The following MCM10 variants were observed in gnomAD, a reference collection of about 807,000 sequenced individuals.
MCM10 encodes the protein protein MCM10 homolog.
MCM10 carries 91 observed loss-of-function variants against 109.9 expected under a neutral mutation model. The observed-to-expected ratio is 0.83, with a 90% CI of 0.70 to 0.99. The LOEUF (loss-of-function observed/expected upper bound fraction) is 0.99. MCM10 is among the 50% of genes least tolerant of loss of function. MCM10 has a pLI of 0.00. For synonymous variants in MCM10, 380 were observed against 387.2 expected, an observed-to-expected ratio of 0.98 and a Z score of 0.22; for missense variants, 1,077 against 1,061.2, an observed-to-expected ratio of 1.01 and a Z score of -0.21.
chr10:13,202,166 C>T, intron 17 of MCM10, among the ~76,000 whole-genome samples: 1 of 152,022 alleles, frequency 6.6e-6, no homozygotes. Context: ...TGAGACCAAC[C>T]CGGGCAACAT....
At chr10:13,179,188 C>G (rs1056809851) in intron 6 of MCM10, among the ~76,000 whole-genome samples, 3 of 152,078 alleles carry the variant, frequency 2.0e-5, no homozygotes, top group African/African-American at 7.2e-5. Context: ...TTTGGATGCC[C>G]TTTATTTCTT....
chr10:13,201,872 A>C, intron 17 of MCM10: 1 of 244,904 alleles, frequency 4.1e-6, no homozygotes, highest in Non-Finnish European at 8.0e-6. Context: ...CAGCGTTCTC[A>C]GGCCTTGGGA....
At position 13,180,584 on chromosome 10, in the gene MCM10, G is replaced by T. The variant is rs564839772; in HGVS notation, c.907G>T (p.Val303Phe). 6.2e-7 allele frequency: 1 copy of T among 1,614,132 alleles called. No individual in the cohort carries two copies. Among genetic ancestry groups the T allele is most frequent in the African/African-American group, 1.3e-5 (1 of 75,036 alleles). The change falls in exon 7 of 20, where the codon GTT (valine) becomes TTT (phenylalanine). Residue 303 changes from valine to phenylalanine, a missense_variant. Val to Phe is a conservative substitution (Grantham distance 50). Transcript: ENST00000378714. ...WVTFGVILKK[V>F]TPQSVNSGKT... Reference sequence around the variant, plus strand: ...GACATTTGGGGTTATATTGAAGAAGGTTACGCCACAGAGTGTGAATAGTGT... The same window carrying T: ...GACATTTGGGGTTATATTGAAGAAGTTTACGCCACAGAGTGTGAATAGTGT...
chr10:13,191,439 T>A, intron 11 of MCM10, 40 bp downstream of exon 11: 1 of 1,518,740 alleles, frequency 6.6e-7, no homozygotes, highest in Non-Finnish European at 9.1e-7. Flanking sequence ...TTCTCCAGTT[T>A]AATTATGCAG....
chr10:13,172,374 A>G lies in MCM10; in HGVS notation c.350-2A>G. 5 of 1,601,648 alleles carry G rather than the reference A, an allele frequency of 3.1e-6. No individual in the cohort carries two copies. The highest frequency in any genetic ancestry group is 4.3e-6 in the Non-Finnish European group (5 of 1,170,742). ...TTAAATTAACATATTTTCATTTCCT[A>G]GAGGAATTAAGGAATTTGCAAGAGC... On this transcript the variant is annotated splice_acceptor_variant, in intron 3 of 19. Coordinates refer to ENST00000378714, the MANE Select transcript of MCM10 (RefSeq NM_018518.5). LOFTEE classifies it high-confidence loss of function. The surrounding 1 kb of genome is among the most constrained non-coding windows in gnomAD (Gnocchi z 5.2).
chr10:13,178,327 G>A (rs1277196737), intron 6 of MCM10, among the ~76,000 whole-genome samples: 1 of 152,216 alleles, frequency 6.6e-6, no homozygotes, highest in Admixed American at 6.5e-5. Context: ...GACCTCAGGT[G>A]ATCCACCTGC....
intron 18 of MCM10, among the ~76,000 whole-genome samples, chr10:13,205,056 A>AT (rs1259450089): frequency 7.3e-6 from 1 of 136,696 alleles, no homozygotes; most frequent in East Asian, 2.1e-4. Context: ...ATATATATTA[A>AT]TTTGTATAAA....
chr10:13,198,630 G>A, intron 15 of MCM10, 59 bp from the exon 16 acceptor site: 1 of 1,093,680 alleles, frequency 9.1e-7, no homozygotes, highest in South Asian at 1.2e-5. Context: ...GAGTTGATGA[G>A]GCGCACTGGC....
At chr10:13,162,523 C>G (rs1176286905) in intron 1 of MCM10, among the ~76,000 whole-genome samples, 1 of 152,104 alleles carries the variant, frequency 6.6e-6, no homozygotes, top group Non-Finnish European at 1.5e-5. Flanking sequence ...GTGGCTTGGC[C>G]TAGGGTTCTG....
chr10:13,170,129 T>C (rs1239069210), intron 2 of MCM10, among the ~76,000 whole-genome samples: 1 of 152,234 alleles, frequency 6.6e-6, no homozygotes, highest in Non-Finnish European at 1.5e-5. Flanking sequence ...AGATTGACTA[T>C]GACTGCCTAT....
chr10:13,197,737 G>T lies in MCM10; in HGVS notation c.2089G>T (p.Val697Leu), dbSNP rs1426138019. Residue 697 changes from valine to leucine, a missense_variant, in exon 15 of 20, where the codon GTA (valine) becomes TTA (leucine). By Grantham distance (32) the Val-to-Leu change is conservative. Coordinates refer to ENST00000378714, the MANE Select transcript of MCM10 (RefSeq NM_018518.5). ...GGACATCCTGGAGGTGAAGGAACGT[G>T]TAGAAAAAAACACCATGTTTTCTTC... is the stretch of plus-strand genomic sequence containing the variant. ...PQDILEVKER[V>L]EKNTMFSSQA... 1 of 1,612,508 alleles carries T rather than the reference G, an allele frequency of 6.2e-7. No homozygotes were observed. Among genetic ancestry groups the T allele is most frequent in the Non-Finnish European group, 8.5e-7 (1 of 1,179,648 alleles).
chr10:13,203,489 TCA>T (rs1459116291), intron 17 of MCM10, among the ~76,000 whole-genome samples: 1 of 152,094 alleles, frequency 6.6e-6, no homozygotes, highest in Non-Finnish European at 1.5e-5. Flanking sequence ...CATCACACAC[TCA>T]CAGTTTCGGG....
Position 13,186,252 on chromosome 10 carries a change from G to T in MCM10, c.1187G>T (p.Gly396Val). The change falls in exon 9 of 20, where the codon GGA (glycine) becomes GTA (valine). Residue 396 changes from glycine (G) to valine (V), a missense_variant. Coordinates refer to ENST00000378714, the MANE Select transcript of MCM10 (RefSeq NM_018518.5). ...ACCTGTAAAGCCAAGAAGAAGAATG[G>T]AGAGCCGTGCACGCAGACTGTGAAT... ...LGTCKAKKKN[G>V]EPCTQTVNLR... 6.2e-7 allele frequency: 1 copy of T among 1,612,654 alleles called. No homozygotes were observed. The highest frequency in any genetic ancestry group is 8.5e-7 in the Non-Finnish European group (1 of 1,178,910).
rs1833926737 is a variant in MCM10 at position 13,161,565 on chromosome 10, T to C, written c.-117T>C. The C allele has an allele frequency of 6.6e-6, 1 of 152,392 alleles. No individual in the cohort carries two copies. The highest frequency in any genetic ancestry group is 6.5e-5 in the Admixed American group (1 of 15,286). 9.4% of individuals were successfully genotyped at this position (152,392 alleles called of 1,614,324 possible). A position where few individuals can be genotyped will look rare whatever the true frequency, so the allele number is the denominator to read the frequency against. The stretch of plus-strand genomic sequence containing the variant: ...CAGGGGCGGGATCCGGTTGGAATTT[T>C]GGCGGGTTCAGCTGTGAACGAAGAA... On this transcript the variant is annotated 5_prime_UTR_variant, in exon 1 of 20. Coordinates refer to ENST00000378714, the MANE Select transcript of MCM10 (RefSeq NM_018518.5).
chr10:13,191,985 C>T (rs193185109), intron 11 of MCM10, among the ~76,000 whole-genome samples: 8 of 152,278 alleles, frequency 5.3e-5, no homozygotes, highest in African/African-American at 1.9e-4. Flanking sequence ...TTATCCTTAG[C>T]GGATATTCCA....
At chr10:13,176,212 T>G (rs879563873) in intron 6 of MCM10, among the ~76,000 whole-genome samples, 44 of 152,242 alleles carry the variant, frequency 2.9e-4, no homozygotes, top group Non-Finnish European at 5.9e-4. Context: ...ATAGTCTTTT[T>G]AAGGCAAATT....
chr10:13,186,060 C>T, intron 8 of MCM10, 104 bp from the exon 9 acceptor site: 1 of 688,250 alleles, frequency 1.5e-6, no homozygotes. Context: ...CTGCGCCTGG[C>T]AATAACCTTC....
intron 10 of MCM10, among the ~76,000 whole-genome samples, chr10:13,190,437 A>G (rs1334552553): frequency 6.6e-6 from 1 of 152,214 alleles, no homozygotes; most frequent in Non-Finnish European, 1.5e-5. Context: ...TAATCCCAGC[A>G]CTTCGGGAGG....
chr10:13,175,060 G>A (rs539300126), intron 5 of MCM10, among the ~76,000 whole-genome samples: 7 of 152,126 alleles, frequency 4.6e-5, no homozygotes, highest in South Asian at 2.1e-4. Flanking sequence ...CCCTGGAGGC[G>A]GAGGTTGTGG....
Sources: gnomAD v4.1 joint callset for allele counts (sites outside exome capture counted in the v4.1 genomes callset) on GRCh38, gnomAD v4.1.1 for gene constraint, Gnocchi (gnomAD v3.1) non-coding constraint, MANE v1.5 for transcripts, NCBI Gene and HGNC (gene_info 2026-07-23, HGNC 2026-07-21) for gene names.